The following GAS7 variants were observed in gnomAD, a reference collection of about 807,000 sequenced individuals.
GAS7 encodes the protein growth arrest specific 7, also known as growth arrest-specific protein 7.
A neutral mutation model predicts 71.1 loss-of-function variants in GAS7; 28 were observed. The observed-to-expected ratio is 0.39, with a 90% CI of 0.29 to 0.54. GAS7 has a LOEUF of 0.54. Ranked by LOEUF, GAS7 falls within the 20% of genes least tolerant of loss-of-function variation. GAS7 has a pLI of 0.62. For missense variants in GAS7, 436 were observed against 627.8 expected (o/e 0.69, Z 3.27); for synonymous variants, 258 against 245.8 (o/e 1.05, Z -0.46).
At chr17:10,027,667 A>C (rs1438715260) in intron 1 of GAS7, among the ~76,000 whole-genome samples, 1 of 152,212 alleles carries the variant, frequency 6.6e-6, no homozygotes, top group East Asian at 1.9e-4. Flanking sequence ...GGCAGACAAC[A>C]GTCCTCACCA....
rs981996109 is a variant in GAS7 at position 10,002,014 on chromosome 17, A to G, written c.304+17763T>C. On this transcript the variant is annotated intron_variant, in intron 2 of 13. Coordinates refer to ENST00000432992, the MANE Select transcript of GAS7 (RefSeq NM_201433.2). Reference sequence around the variant, plus strand: ...GGACAGATTGCAACCTGTTTACAGCATCCTAGCGGACACGATACCACTGCT... The same window carrying G: ...GGACAGATTGCAACCTGTTTACAGCGTCCTAGCGGACACGATACCACTGCT... Among the ~76,000 whole-genome samples, 5 of 152,190 alleles carry G rather than the reference A, an allele frequency of 3.3e-5. No homozygotes were observed. The East Asian group carries it at 9.6e-4, about 29-fold the overall frequency.
rs141383820 is a variant in GAS7 at position 10,062,301 on chromosome 17, G to A, written c.184-42404C>T. ...GGAGTTCAAGACCAGCCTGGCCAAC[G>A]TGGCGAAACCTCGTCTCTACTAAAA... On this transcript the variant is annotated intron_variant, in intron 1 of 13. Transcript: ENST00000432992. 5.9e-3 allele frequency among the ~76,000 whole-genome samples: 906 copies of A among 152,282 alleles called. 12 individuals carry two copies. Among genetic ancestry groups the A allele is most frequent in the African/African-American group, 0.02 (845 of 41,554 alleles).
At chr17:10,168,886 C>T (rs754234172) in intron 1 of GAS7, among the ~76,000 whole-genome samples, 65 of 150,410 alleles carry the variant, frequency 4.3e-4, no homozygotes, top group Non-Finnish European at 8.6e-4. Context: ...AGGAGAATCA[C>T]TTGAACATGG....
chr17:9,972,143 AAAC>A (rs2069994939), intron 3 of GAS7, among the ~76,000 whole-genome samples: 1 of 152,250 alleles, frequency 6.6e-6, no homozygotes, highest in Admixed American at 6.5e-5. Flanking sequence ...AAGCAACAAG[AAAC>A]AACAAATCCA....
chr17:9,981,904 G>GA lies in GAS7; in HGVS notation c.305-21dup. On this transcript the variant is annotated intron_variant, in intron 2 of 13. Transcript: ENST00000432992. The surrounding 1 kb of genome is among the most constrained non-coding windows in gnomAD (Gnocchi z 4.4). ...TGGTCTCTGGTGAAAGAAGAGCAAA[G>GA]AAAATCACTTTGAGAATGTCACAGG... 1 of 1,381,736 alleles carries GA rather than the reference G, an allele frequency of 7.2e-7. No individual in the cohort carries two copies. The highest frequency in any genetic ancestry group is 1.0e-6 in the Non-Finnish European group (1 of 967,976). 85.6% of individuals were successfully genotyped at this position (1,381,736 alleles called of 1,614,324 possible). A position where few individuals can be genotyped will look rare whatever the true frequency, so the allele number is the denominator to read the frequency against.
chr17:10,139,920 G>C (rs1428508640), intron 1 of GAS7, among the ~76,000 whole-genome samples: 1 of 152,164 alleles, frequency 6.6e-6, no homozygotes, highest in African/African-American at 2.4e-5. Flanking sequence ...CATTGGTTAG[G>C]TCCATGACAC....
At chr17:10,101,769 T>C (rs923550430) in intron 1 of GAS7, among the ~76,000 whole-genome samples, 8 of 152,206 alleles carry the variant, frequency 5.3e-5, no homozygotes, top group African/African-American at 1.9e-4. Flanking sequence ...AGAGAAGCAT[T>C]AGCCCCTGAC....
At chr17:10,117,424 T>C (rs1269011347) in intron 1 of GAS7, among the ~76,000 whole-genome samples, 1 of 152,112 alleles carries the variant, frequency 6.6e-6, no homozygotes, top group Non-Finnish European at 1.5e-5. Flanking sequence ...GTAGACATCT[T>C]CAGGGGACCA....
intron 1 of GAS7, among the ~76,000 whole-genome samples, chr17:10,151,180 T>C (rs1173130064): frequency 1.3e-5 from 2 of 151,620 alleles, no homozygotes; most frequent in African/African-American, 4.8e-5. Context: ...GTTTGGTTAT[T>C]TTTTTTTAGA....
intron 6 of GAS7, 41 bp from the exon 7 acceptor site, chr17:9,943,277 G>T: frequency 8.6e-7 from 1 of 1,157,380 alleles, no homozygotes; most frequent in Non-Finnish European, 1.3e-6. Flanking sequence ...GGGCACGTCT[G>T]AGTCTGGAGC....
chr17:10,059,655 A>T (rs2073196567), intron 1 of GAS7: 1 of 981,310 alleles, frequency 1.0e-6, no homozygotes, highest in African/African-American at 1.7e-5. Flanking sequence ...GAGCATCTGC[A>T]TCAAAGATAA....
At chr17:9,983,308 T>G (rs183952473) in intron 2 of GAS7, among the ~76,000 whole-genome samples, 1 of 152,174 alleles carries the variant, frequency 6.6e-6, no homozygotes, top group East Asian at 1.9e-4. Flanking sequence ...CTGGGCAAGA[T>G]GGTGAAACCC....
At chr17:10,064,660 G>A (rs1046741125) in intron 1 of GAS7, among the ~76,000 whole-genome samples, 1 of 152,224 alleles carries the variant, frequency 6.6e-6, no homozygotes, top group Non-Finnish European at 1.5e-5. Context: ...ACAACTCGCA[G>A]AAGTCTCACT....
chr17:10,075,541 T>C (rs1006328324), intron 1 of GAS7, among the ~76,000 whole-genome samples: 3 of 152,070 alleles, frequency 2.0e-5, no homozygotes, highest in East Asian at 3.9e-4. Flanking sequence ...AAGCCTCTAA[T>C]CCCAGCACTT....
rs529877417 is a variant in GAS7, at chr17:10,037,857, C to T, written c.184-17960G>A. Among the ~76,000 whole-genome samples the T allele has an allele frequency of 3.3e-5, 5 of 151,900 alleles. No individual in the cohort carries two copies. The South Asian group carries it at 1.0e-3, about 32-fold the overall frequency. On this transcript the variant is annotated intron_variant, in intron 1 of 13. Coordinates refer to ENST00000432992, the MANE Select transcript of GAS7 (RefSeq NM_201433.2). The stretch of plus-strand genomic sequence containing the variant: ...TGAAAGGTAGGCACTGCAGTTACCC[C>T]GGGTCCAAAAAGAGTCCAGACTGAA...
chr17:10,177,491 G>A (rs911047880), intron 1 of GAS7, among the ~76,000 whole-genome samples: 1 of 152,132 alleles, frequency 6.6e-6, no homozygotes, highest in Non-Finnish European at 1.5e-5. Context: ...TCCCTGGCTC[G>A]GTGGAAACCC....
intron 1 of GAS7, among the ~76,000 whole-genome samples, chr17:10,043,428 C>T (rs1336844993): frequency 2.6e-5 from 4 of 152,156 alleles, no homozygotes; most frequent in Non-Finnish European, 5.9e-5. Context: ...TTTAGAGGTG[C>T]TAACCCCCAT....
At chr17:10,037,122 C>T (rs1279273211) in intron 1 of GAS7, among the ~76,000 whole-genome samples, 1 of 152,250 alleles carries the variant, frequency 6.6e-6, no homozygotes, top group African/African-American at 2.4e-5. Flanking sequence ...AGATGAAGGT[C>T]TCTTGCCTTC....
intron 1 of GAS7, among the ~76,000 whole-genome samples, chr17:10,163,431 A>G (rs1421544611): frequency 6.6e-6 from 1 of 151,838 alleles, no homozygotes; most frequent in African/African-American, 2.4e-5. Flanking sequence ...GGGCCAAAAA[A>G]TTTTTAATTT....
Sources: allele counts gnomAD v4.1 joint callset (sites outside exome capture counted in the v4.1 genomes callset), GRCh38; gene constraint gnomAD v4.1.1; non-coding constraint Gnocchi (gnomAD v3.1); transcripts MANE v1.5; gene names NCBI Gene and HGNC (gene_info 2026-07-23, HGNC 2026-07-21).